NEO1: variants seen among roughly 807,000 people sequenced by gnomAD.
The protein encoded by NEO1 is neogenin 1, also known as neogenin.
A neutral mutation model predicts 159.7 loss-of-function variants in NEO1; 63 were observed. That is an observed-to-expected ratio of 0.39 (90% CI 0.32 to 0.49). The LOEUF (loss-of-function observed/expected upper bound fraction) is 0.49, where lower values mean the gene tolerates loss of function less well. NEO1 is among the 20% of genes least tolerant of loss of function. The pLI, the probability that NEO1 is intolerant of heterozygous loss-of-function variation, is 0.85. For synonymous variants in NEO1, 633 were observed against 662.0 expected (o/e 0.96, Z 0.67); for missense variants, 1,615 against 1,831.0 (o/e 0.88, Z 2.15).
chr15:73,076,684 C>A (rs568632284), intron 1 of NEO1, among the ~76,000 whole-genome samples: 1 of 152,274 alleles, frequency 6.6e-6, no homozygotes, highest in East Asian at 1.9e-4. Context: ...CACCCACCTC[C>A]TCACACCCCA....
intron 5 of NEO1, among the ~76,000 whole-genome samples, chr15:73,169,298 G>GAT (rs1285564305): frequency 6.6e-6 from 1 of 152,100 alleles, no homozygotes; most frequent in Non-Finnish European, 1.5e-5. Context: ...CATTTGAAGG[G>GAT]ATAGGGAGCT....
intron 1 of NEO1, among the ~76,000 whole-genome samples, chr15:73,084,880 C>T (rs2069269147): frequency 6.6e-6 from 1 of 151,824 alleles, no homozygotes; most frequent in Non-Finnish European, 1.5e-5. Context: ...TTTTAGGTTT[C>T]ATCTTTAGGT....
chr15:73,274,114 A>G, intron 20 of NEO1, 109 bp downstream of exon 20: 1 of 1,050,848 alleles, frequency 9.5e-7, no homozygotes, highest in South Asian at 1.7e-5. Flanking sequence ...AGTCTTAATG[A>G]TGAGCTTGTG....
At chr15:73,114,732 A>T (rs1413369215) in intron 1 of NEO1, among the ~76,000 whole-genome samples, 1 of 152,144 alleles carries the variant, frequency 6.6e-6, no homozygotes, top group East Asian at 1.9e-4. Context: ...TCAGATTTTT[A>T]ATTTGTGTAT....
At chr15:73,099,523 A>G (rs76184458) in intron 1 of NEO1, among the ~76,000 whole-genome samples, 1,585 of 152,294 alleles carry the variant, frequency 0.01, 15 homozygotes, top group Non-Finnish European at 0.016. Flanking sequence ...TATAAGATTC[A>G]TTATTAAGGA....
At position 73,239,607 on chromosome 15, in the gene NEO1, G is replaced by A. The variant is rs562789218; in HGVS notation, c.1451+3101G>A. 1.2e-4 allele frequency among the ~76,000 whole-genome samples: 19 copies of A among 152,196 alleles called. No individual in the cohort carries two copies. In the South Asian group the frequency reaches 3.7e-3, roughly 30 times the overall value. ...CACATAGACACTTGCCATTGTGTTC[G>A]CATTGCCTACAGCGTTCAGTACAGT... is the stretch of plus-strand genomic sequence containing the variant. On this transcript the variant is annotated intron_variant, in intron 8 of 28. Coordinates refer to ENST00000261908, the MANE Select transcript of NEO1 (RefSeq NM_002499.4).
chr15:73,080,185 G>C (rs186936119), intron 1 of NEO1, among the ~76,000 whole-genome samples: 222 of 152,220 alleles, frequency 1.5e-3, no homozygotes, highest in African/African-American at 5.0e-3. Context: ...TTTCTTCTCT[G>C]TGCTTTGCTC....
rs931105394 is a variant in NEO1, at chr15:73,215,690, T to G, written c.1292-20657T>G. Among the ~76,000 whole-genome samples the G allele has an allele frequency of 3.3e-5, 5 of 152,328 alleles. No individual in the cohort carries two copies. The East Asian group carries it at 9.6e-4, about 29-fold the overall frequency. ...ATTGTTGGATTTGGTTAGCTAGTAT[T>G]TTGTTACGGATTTTAGCATCTATGC... On this transcript the variant is annotated intron_variant, in intron 7 of 28. Coordinates refer to ENST00000261908, the MANE Select transcript of NEO1 (RefSeq NM_002499.4).
chr15:73,055,137 A>G (rs1804508213), intron 1 of NEO1, among the ~76,000 whole-genome samples: 1 of 152,208 alleles, frequency 6.6e-6, no homozygotes, highest in Non-Finnish European at 1.5e-5. Context: ...TTGAGTAGGA[A>G]CATAATCTGG....
intron 16 of NEO1, among the ~76,000 whole-genome samples, chr15:73,267,060 C>T (rs1257597137): frequency 6.6e-6 from 1 of 152,154 alleles, no homozygotes; most frequent in African/African-American, 2.4e-5. Flanking sequence ...AGATCGAGAC[C>T]ATCCTGGCTA....
intron 4 of NEO1, among the ~76,000 whole-genome samples, chr15:73,130,429 C>T (rs2030959493): frequency 6.6e-6 from 1 of 152,092 alleles, no homozygotes; most frequent in Non-Finnish European, 1.5e-5. Context: ...CAAAAAAAGC[C>T]TCAACAGAAG....
At chr15:73,056,495 T>C (rs1334565716) in intron 1 of NEO1, among the ~76,000 whole-genome samples, 1 of 152,146 alleles carries the variant, frequency 6.6e-6, no homozygotes, top group Non-Finnish European at 1.5e-5. Context: ...GTTTCCCTAG[T>C]GTAGCACTAA....
intron 7 of NEO1, among the ~76,000 whole-genome samples, chr15:73,189,253 A>G (rs1368910587): frequency 1.3e-5 from 2 of 152,204 alleles, no homozygotes; most frequent in Non-Finnish European, 2.9e-5. Context: ...ACCCACACAT[A>G]TATGCCCAGA....
chr15:73,277,556 T>G (rs1198325391), intron 21 of NEO1, among the ~76,000 whole-genome samples: 2 of 152,228 alleles, frequency 1.3e-5, no homozygotes, highest in Admixed American at 1.3e-4. Flanking sequence ...TTTAGGTGAC[T>G]GAGCAGGAAC....
chr15:73,302,630 G>A lies in NEO1; in HGVS notation c.4320G>A (p.Glu1440=), dbSNP rs1434628087. 1 of 1,614,046 alleles carries A rather than the reference G, an allele frequency of 6.2e-7. No homozygotes were observed. The highest frequency in any genetic ancestry group is 1.1e-5 in the South Asian group (1 of 91,060). Residue 1440 remains glutamate (E), a synonymous_variant, in exon 29 of 29, where the codon GAG becomes GAA. Coordinates refer to ENST00000261908, the MANE Select transcript of NEO1 (RefSeq NM_002499.4). ...EDSESSYEPD[E]LTKEMAHLEG... ...TTCCATAGAGCTATGAACCAGATGA[G>A]CTGACCAAAGAGATGGCCCACCTGG...
chr15:73,103,668 C>G (rs113070594), intron 1 of NEO1, among the ~76,000 whole-genome samples: 17 of 152,152 alleles, frequency 1.1e-4, no homozygotes, highest in Non-Finnish European at 2.4e-4. Flanking sequence ...GTGTCTTGTT[C>G]CCTTAACCTA....
chr15:73,156,277 A>T (rs1418582175), intron 5 of NEO1, among the ~76,000 whole-genome samples: 1 of 152,114 alleles, frequency 6.6e-6, no homozygotes, highest in South Asian at 2.1e-4. Context: ...GTGTGCAGTT[A>T]TTGGTGGAGT....
intron 1 of NEO1, among the ~76,000 whole-genome samples, chr15:73,099,788 C>T (rs1456926117): frequency 6.6e-6 from 1 of 152,166 alleles, no homozygotes; most frequent in Non-Finnish European, 1.5e-5. Flanking sequence ...GAGGAAAGTA[C>T]TCTTAGCAAT....
At chr15:73,120,796 C>T (rs1020410373) in intron 2 of NEO1, among the ~76,000 whole-genome samples, 7 of 152,026 alleles carry the variant, frequency 4.6e-5, no homozygotes, top group African/African-American at 1.7e-4. Flanking sequence ...ATGCTCTTAG[C>T]TGCTACATCC....
Sources: gnomAD v4.1 joint callset for allele counts (sites outside exome capture counted in the v4.1 genomes callset) on GRCh38, gnomAD v4.1.1 for gene constraint, MANE v1.5 for transcripts, NCBI Gene and HGNC (gene_info 2026-07-23, HGNC 2026-07-21) for gene names.